The following SLCO2A1 variants were observed in gnomAD, a reference collection of about 807,000 sequenced individuals.
SLCO2A1 encodes solute carrier organic anion transporter family member 2A1, also known as matrin F/G 1.
SLCO2A1 carries 60 observed loss-of-function variants against 71.7 expected under a neutral mutation model. The observed-to-expected ratio is 0.84, with a 90% CI of 0.68 to 1.04. The LOEUF is 1.04. Ranked by LOEUF, SLCO2A1 falls within the 50% of genes least tolerant of loss-of-function variation. SLCO2A1 has a pLI of 0.00. For synonymous variants in SLCO2A1, 308 were observed against 326.7 expected (o/e 0.94, Z 0.62); for missense variants, 745 against 813.4 (o/e 0.92, Z 1.02).
At position 133,947,261 on chromosome 3, in the gene SLCO2A1, G is replaced by A. The variant is rs184228941; in HGVS notation, c.1290C>T (p.Pro430=). 1 of 1,613,908 alleles carries A rather than the reference G, an allele frequency of 6.2e-7. No individual in the cohort carries two copies. The highest frequency in any genetic ancestry group is 8.5e-7 in the Non-Finnish European group (1 of 1,179,928). The change falls in exon 9 of 14, where the codon CCC becomes CCT. Residue 430 remains proline, a synonymous_variant. Coordinates refer to ENST00000310926, the MANE Select transcript of SLCO2A1 (RefSeq NM_005630.3). The part of the protein sequence containing the change: ...CSTPTVAEVY[P]PSTSSSIHPQ... ...CTACCCCTTATTCCCATTACCTAGG[G>A]GGGTAGACTTCGGCCACAGTTGGGG...
chr3:134,029,787 T>C lies in SLCO2A1; in HGVS notation c.16A>G (p.Lys6Glu). ...TCGCTGCCCTGGGACGCGCCGAGCT[T>C]GGGCAGGAGCCCCATGGCTGCGGGC... is the stretch of plus-strand genomic sequence containing the variant. MGLLP[K>E]LGASQGSDTS... is the part of the protein sequence containing the mutation. The change falls in exon 1 of 14, where the codon AAG becomes GAG. Residue 6 changes from lysine (K) to glutamate (E), a missense_variant. Transcript: ENST00000310926. 6.5e-7 allele frequency: 1 copy of C among 1,532,556 alleles called. No homozygotes were observed. The allele number at this position is 1,532,556 out of a possible 1,614,324, so 94.9% of individuals were successfully genotyped here.
chr3:134,029,536 A>ACACG (rs1491084324), intron 1 of SLCO2A1, among the ~76,000 whole-genome samples, 171 bp downstream of exon 1: 3 of 151,062 alleles, frequency 2.0e-5, no homozygotes, highest in African/African-American at 7.3e-5. Context: ...TCACACACAC[A>ACACG]CTCGCACACA....
At chr3:133,940,753 C>T (rs1356337277) in intron 11 of SLCO2A1, among the ~76,000 whole-genome samples, 5 of 152,172 alleles carry the variant, frequency 3.3e-5, no homozygotes, top group African/African-American at 1.2e-4. Flanking sequence ...TCAAAGGAGG[C>T]AACACGCCGT....
chr3:133,994,998 A>G (rs753676673), intron 1 of SLCO2A1, among the ~76,000 whole-genome samples: 47 of 152,152 alleles, frequency 3.1e-4, no homozygotes, highest in Non-Finnish European at 5.6e-4. Flanking sequence ...CAAGAACTTT[A>G]CTGATATATA....
chr3:134,023,898 T>C (rs1935646658), intron 1 of SLCO2A1, among the ~76,000 whole-genome samples: 1 of 39,004 alleles, frequency 2.6e-5, no homozygotes, highest in Non-Finnish European at 9.3e-5. Flanking sequence ...CCTGGAGTAA[T>C]AAGTCATGCC....
intron 9 of SLCO2A1, among the ~76,000 whole-genome samples, chr3:133,946,081 A>G (rs1933568001): frequency 1.3e-5 from 2 of 152,142 alleles, no homozygotes; most frequent in South Asian, 4.1e-4. Flanking sequence ...GGACGCTGCC[A>G]AAAGGCCCAA....
intron 1 of SLCO2A1, among the ~76,000 whole-genome samples, chr3:133,995,502 T>C (rs59793753): frequency 0.015 from 2,303 of 152,334 alleles, 61 homozygotes; most frequent in African/African-American, 0.05. Flanking sequence ...AGAGTCTTTG[T>C]GGGTGGGGGC....
intron 1 of SLCO2A1, among the ~76,000 whole-genome samples, chr3:133,994,759 GC>G (rs1018074937): frequency 2.6e-5 from 4 of 151,966 alleles, no homozygotes; most frequent in Non-Finnish European, 5.9e-5. Context: ...TCAAATCCAT[GC>G]CCCCAACCAT....
intron 1 of SLCO2A1, among the ~76,000 whole-genome samples, chr3:133,987,148 C>A (rs1236013251): frequency 7.7e-6 from 1 of 130,428 alleles, no homozygotes; most frequent in Admixed American, 7.6e-5. Flanking sequence ...CCCCCGCCCC[C>A]GCCCCGCCAC....
chr3:133,934,924 C>A, intron 13 of SLCO2A1, 94 bp from the exon 14 acceptor site: 1 of 961,416 alleles, frequency 1.0e-6, no homozygotes, highest in Non-Finnish European at 1.6e-6. Flanking sequence ...ATCATTCCCA[C>A]GCTGGCCCGC....
chr3:133,986,245 C>T (rs546025926), intron 1 of SLCO2A1, among the ~76,000 whole-genome samples: 1 of 152,138 alleles, frequency 6.6e-6, no homozygotes, highest in Admixed American at 6.5e-5. Context: ...GGGAATTTGA[C>T]AAACAGTTTT....
chr3:134,025,774 G>A (rs1935690161), intron 1 of SLCO2A1, among the ~76,000 whole-genome samples: 1 of 152,076 alleles, frequency 6.6e-6, no homozygotes, highest in Non-Finnish European at 1.5e-5. Flanking sequence ...CTTGATCCTC[G>A]CTGGAAAAAA....
chr3:134,016,435 T>C (rs1323104710), intron 1 of SLCO2A1, among the ~76,000 whole-genome samples: 1 of 152,096 alleles, frequency 6.6e-6, no homozygotes, highest in African/African-American at 2.4e-5. Context: ...TGAAAAGATG[T>C]TCAATATTAC....
intron 10 of SLCO2A1, 113 bp downstream of exon 10, chr3:133,944,982 T>TGA: frequency 8.3e-7 from 1 of 1,205,072 alleles, no homozygotes; most frequent in Non-Finnish European, 1.2e-6. Flanking sequence ...TGGTAATGAG[T>TGA]GTGTGTGTGG....
intron 11 of SLCO2A1, among the ~76,000 whole-genome samples, chr3:133,940,704 G>A (rs140528672): frequency 2.2e-4 from 33 of 152,322 alleles, no homozygotes; most frequent in Middle Eastern, 3.4e-3. Context: ...CTTTGAATGC[G>A]CAGGATGGGG....
At chr3:134,001,023 A>T (rs1287063054) in intron 1 of SLCO2A1, among the ~76,000 whole-genome samples, 1 of 152,154 alleles carries the variant, frequency 6.6e-6, no homozygotes, top group Non-Finnish European at 1.5e-5. Flanking sequence ...ATCACTTGGC[A>T]TATGTTCTAA....
At chr3:133,999,532 G>A (rs1231984077) in intron 1 of SLCO2A1, among the ~76,000 whole-genome samples, 1 of 152,226 alleles carries the variant, frequency 6.6e-6, no homozygotes, top group African/African-American at 2.4e-5. Flanking sequence ...CTAAGATGAG[G>A]CACATGCACA....
At chr3:133,991,628 A>G (rs1043003631) in intron 1 of SLCO2A1, among the ~76,000 whole-genome samples, 1 of 152,198 alleles carries the variant, frequency 6.6e-6, no homozygotes, top group South Asian at 2.1e-4. Context: ...AAAAATCAGA[A>G]CAATCTAGGA....
Position 133,934,848 on chromosome 3 carries a change from C to A in SLCO2A1, c.1815-18G>T. 1 of 1,595,920 alleles carries A rather than the reference C, an allele frequency of 6.3e-7. No homozygotes were observed. Among genetic ancestry groups the A allele is most frequent in the Non-Finnish European group, 8.5e-7 (1 of 1,170,130 alleles). ...CCAGGTACCTGTGGGCAGGAGGAGG[C>A]AGGACTGGTGAGGGAGGGGGCTCTG... On this transcript the variant is annotated intron_variant, in intron 13 of 13. Coordinates refer to ENST00000310926, the MANE Select transcript of SLCO2A1 (RefSeq NM_005630.3).
Sources: allele counts gnomAD v4.1 joint callset (sites outside exome capture counted in the v4.1 genomes callset), GRCh38; gene constraint gnomAD v4.1.1; transcripts MANE v1.5; gene names NCBI Gene and HGNC (gene_info 2026-07-23, HGNC 2026-07-21).